The following ABTB2 variants were observed in gnomAD, a reference collection of about 807,000 sequenced individuals.
ABTB2 encodes ankyrin repeat and BTB/POZ domain-containing protein 2.
ABTB2 carries 56 observed loss-of-function variants against 104.1 expected under a neutral mutation model. That is an observed-to-expected ratio of 0.54 (90% CI 0.43 to 0.67). The LOEUF (loss-of-function observed/expected upper bound fraction) is 0.67, where lower values mean the gene tolerates loss of function less well. ABTB2 is among the 30% of genes least tolerant of loss of function. ABTB2 has a pLI of 0.00. For synonymous variants in ABTB2, 606 were observed against 608.2 expected (o/e 1.00, Z 0.05); for missense variants, 1,279 against 1,407.7 (o/e 0.91, Z 1.46).
At chr11:34,266,940 A>C (rs1234586914) in intron 1 of ABTB2, among the ~76,000 whole-genome samples, 1 of 151,064 alleles carries the variant, frequency 6.6e-6, no homozygotes, top group Non-Finnish European at 1.5e-5. Flanking sequence ...CTCAGAAAAT[A>C]AACATAAAGC....
intron 1 of ABTB2, among the ~76,000 whole-genome samples, chr11:34,250,303 T>C (rs1457796533): frequency 2.0e-5 from 3 of 152,128 alleles, no homozygotes; most frequent in Non-Finnish European, 2.9e-5. Context: ...TAAGGGGCCA[T>C]AAGAGTCCTC....
chr11:34,310,801 A>T (rs1854842431), intron 1 of ABTB2, among the ~76,000 whole-genome samples: 2 of 152,118 alleles, frequency 1.3e-5, no homozygotes, highest in African/African-American at 4.8e-5. Context: ...CGTCTCCTTC[A>T]TTAATCCACT....
intron 1 of ABTB2, among the ~76,000 whole-genome samples, chr11:34,244,925 C>T (rs1169801810): frequency 8.6e-5 from 9 of 104,146 alleles, no homozygotes; most frequent in Non-Finnish European, 1.8e-4. Context: ...GATGGATCGC[C>T]TGAGCCCGGG....
At chr11:34,277,177 C>T (rs556785758) in intron 1 of ABTB2, among the ~76,000 whole-genome samples, 3 of 152,314 alleles carry the variant, frequency 2.0e-5, no homozygotes, top group African/African-American at 7.2e-5. Context: ...GCTGGGATTA[C>T]AGGCGTAAGC....
chr11:34,246,247 C>A (rs1853981704), intron 1 of ABTB2, among the ~76,000 whole-genome samples: 1 of 152,094 alleles, frequency 6.6e-6, no homozygotes, highest in Admixed American at 6.5e-5. Context: ...CAAAATTGGC[C>A]AAGGTTGGAT....
intron 1 of ABTB2, among the ~76,000 whole-genome samples, chr11:34,338,250 G>A (rs1050708030): frequency 3.3e-5 from 5 of 151,518 alleles, no homozygotes; most frequent in South Asian, 2.1e-4. Flanking sequence ...GTGTGGTGGC[G>A]CATGCCTGTA....
intron 1 of ABTB2, among the ~76,000 whole-genome samples, chr11:34,352,396 C>G (rs1372957908): frequency 6.6e-6 from 1 of 152,182 alleles, no homozygotes; most frequent in East Asian, 1.9e-4. Context: ...TCCCATTACC[C>G]TGCCCTTTAA....
intron 10 of ABTB2, 99 bp from the exon 11 acceptor site, chr11:34,161,180 C>T (rs1185662227): frequency 2.2e-5 from 29 of 1,297,862 alleles, no homozygotes; most frequent in Admixed American, 8.2e-5. Context: ...GGGATGCCCC[C>T]GCTGTCTGCA....
chr11:34,292,090 C>A (rs1854570095), intron 1 of ABTB2, among the ~76,000 whole-genome samples: 1 of 152,098 alleles, frequency 6.6e-6, no homozygotes, highest in African/African-American at 2.4e-5. Context: ...AAGGGAGGAG[C>A]AAATCTAAAT....
intron 1 of ABTB2, among the ~76,000 whole-genome samples, chr11:34,218,721 C>T (rs567751715): frequency 1.7e-4 from 26 of 151,868 alleles, no homozygotes; most frequent in African/African-American, 4.3e-4. Context: ...TGGTGGTGCA[C>T]GCCTGTAATC....
At chr11:34,305,152 C>A (rs1854755689) in intron 1 of ABTB2, among the ~76,000 whole-genome samples, 1 of 152,222 alleles carries the variant, frequency 6.6e-6, no homozygotes, top group Non-Finnish European at 1.5e-5. Context: ...CATAAGTACA[C>A]TTGATCTAGA....
At chr11:34,158,492 A>G (rs140181526) in intron 14 of ABTB2, among the ~76,000 whole-genome samples, 18 of 152,268 alleles carry the variant, frequency 1.2e-4, no homozygotes, top group African/African-American at 4.3e-4. Flanking sequence ...CTCCTATTAT[A>G]TCACAAACCA....
chr11:34,313,600 C>T (rs1405733857), intron 1 of ABTB2, among the ~76,000 whole-genome samples: 2 of 152,166 alleles, frequency 1.3e-5, no homozygotes, highest in East Asian at 1.9e-4. Context: ...ATCTCAAACG[C>T]CCTGAGAGAT....
chr11:34,207,068 C>T (rs1054892359), intron 1 of ABTB2, among the ~76,000 whole-genome samples: 1 of 152,234 alleles, frequency 6.6e-6, no homozygotes, highest in South Asian at 2.1e-4. Context: ...GCTGAGTAAC[C>T]AAACACATTG....
At chr11:34,181,171 G>A (rs941220640) in intron 3 of ABTB2, among the ~76,000 whole-genome samples, 1 of 152,112 alleles carries the variant, frequency 6.6e-6, no homozygotes, top group Non-Finnish European at 1.5e-5. Flanking sequence ...CCAAAGTGCT[G>A]AGCTTATGGG....
intron 1 of ABTB2, chr11:34,335,680 C>G: frequency 1.4e-6 from 2 of 1,405,360 alleles, no homozygotes; most frequent in Non-Finnish European, 2.0e-6. Context: ...GTGTCTTTCA[C>G]TTGATAAAGT....
At chr11:34,301,698 T>C (rs544011523) in intron 1 of ABTB2, among the ~76,000 whole-genome samples, 56 of 152,192 alleles carry the variant, frequency 3.7e-4, no homozygotes, top group Non-Finnish European at 6.2e-4. Context: ...TTAAACATAA[T>C]ATAGGCCAGA....
rs148434413 is a variant in ABTB2, at chr11:34,160,929, T to G, written c.2371A>C (p.Met791Leu). 53 of 1,611,404 alleles carry G rather than the reference T, an allele frequency of 3.3e-5. No individual in the cohort carries two copies. The African/African-American group carries it at 6.8e-4, about 21-fold the overall frequency. The change falls in exon 11 of 17, where the codon ATG (methionine) becomes CTG (leucine). Residue 791 changes from methionine to leucine, a missense_variant. Physicochemically the swap from Met to Leu is conservative, Grantham distance 15. Transcript: ENST00000435224. Reference sequence around the variant, plus strand: ...TTGCTGGTCTTGAGGATGTCGAACATGAGCTGCAAGCCCTCGGTCACCAGC... The same window carrying G: ...TTGCTGGTCTTGAGGATGTCGAACAGGAGCTGCAAGCCCTCGGTCACCAGC... ...EELVTEGLQL[M>L]FDILKTSKND...
At chr11:34,247,518 G>C (rs535499076) in intron 1 of ABTB2, among the ~76,000 whole-genome samples, 1 of 152,212 alleles carries the variant, frequency 6.6e-6, no homozygotes, top group Admixed American at 6.5e-5. Context: ...GCATGTTTAA[G>C]GTAAGCTAGG....
Sources: gnomAD v4.1 joint callset for allele counts (sites outside exome capture counted in the v4.1 genomes callset) on GRCh38, gnomAD v4.1.1 for gene constraint, MANE v1.5 for transcripts, NCBI Gene and HGNC (gene_info 2026-07-23, HGNC 2026-07-21) for gene names.